TTC7A: variants seen among roughly 807,000 people sequenced by gnomAD.
The protein encoded by TTC7A is tetratricopeptide repeat domain 7A.
In TTC7A, 110 loss-of-function variants were observed where a neutral mutation model predicts 103.7. The observed-to-expected ratio is 1.06, with a 90% confidence interval of 0.91 to 1.24. The LOEUF (loss-of-function observed/expected upper bound fraction) is 1.24, where lower values mean the gene tolerates loss of function less well. Among genes scored for constraint, TTC7A ranks in the 50% most tolerant of loss-of-function variants. The probability of loss-of-function intolerance (pLI) is 0.00; values close to 1 mark genes in which losing one functional copy is unlikely to be tolerated. For missense variants in TTC7A, 1,340 were observed against 1,116.3 expected (o/e 1.20, Z -2.86); for synonymous variants, 521 against 467.9 (o/e 1.11, Z -1.47).
At chr2:47,039,069 C>T (rs1323624346) in intron 15 of TTC7A, among the ~76,000 whole-genome samples, 2 of 152,146 alleles carry the variant, frequency 1.3e-5, no homozygotes, top group Non-Finnish European at 2.9e-5. Flanking sequence ...CCCCTTAGTT[C>T]TCCCAGCAAC....
At chr2:47,034,682 G>C (rs149435232) in intron 15 of TTC7A, among the ~76,000 whole-genome samples, 64 of 152,268 alleles carry the variant, frequency 4.2e-4, no homozygotes, top group Middle Eastern at 3.4e-3. Context: ...GCCATACATA[G>C]GTCAAGGGAA....
chr2:47,045,591 G>T (rs55920732), intron 15 of TTC7A: 12,532 of 152,298 alleles, frequency 0.082, 543 homozygotes, highest in Non-Finnish European at 0.1. Context: ...GTCCCTAAAT[G>T]GTGATTGAAA....
chr2:47,072,057 C>T (rs574473794), intron 19 of TTC7A, among the ~76,000 whole-genome samples: 1 of 152,324 alleles, frequency 6.6e-6, no homozygotes. Context: ...TCCCTCCTCC[C>T]TGTGGGCCGT....
chr2:47,011,732 A>G (rs1678074905), intron 11 of TTC7A, among the ~76,000 whole-genome samples: 1 of 152,248 alleles, frequency 6.6e-6, no homozygotes, highest in Admixed American at 6.5e-5. Context: ...GCAGAGTAGT[A>G]GGTAAGACCT....
chr2:47,027,921 C>T (rs1293436079), intron 14 of TTC7A, among the ~76,000 whole-genome samples: 1 of 152,202 alleles, frequency 6.6e-6, no homozygotes, highest in East Asian at 1.9e-4. Flanking sequence ...ATTCTTTTTT[C>T]TCCTTAATGC....
At chr2:46,928,101 A>G (rs1669491965) in intron 2 of TTC7A, among the ~76,000 whole-genome samples, 2 of 151,704 alleles carry the variant, frequency 1.3e-5, no homozygotes, top group South Asian at 2.1e-4. Context: ...CATGTTGCCC[A>G]GGCTGGTCTC....
intron 16 of TTC7A, among the ~76,000 whole-genome samples, chr2:47,049,424 A>C (rs1388971394): frequency 6.6e-6 from 1 of 151,796 alleles, no homozygotes; most frequent in East Asian, 1.9e-4. Flanking sequence ...TGGGATCTCC[A>C]GGGGCTACCC....
At chr2:47,034,407 CT>C (rs1455094722) in intron 15 of TTC7A, 3 of 152,340 alleles carry the variant, frequency 2.0e-5, no homozygotes, top group African/African-American at 7.2e-5. Flanking sequence ...TGAGAGGCAG[CT>C]GGGAGGCCCG....
chr2:46,978,882 G>C lies in TTC7A; in HGVS notation c.739G>C (p.Ala247Pro), dbSNP rs752603355. The part of the protein sequence containing the change: ...TYFLEAALQS[A>P]YVKNLKKGNI... The stretch of plus-strand genomic sequence containing the variant: ...CTTCCTGGAAGCTGCCCTCCAGAGC[G>C]CCTATGTGAAAAACCTGAAGAAGGG... Residue 247 changes from alanine to proline, a missense_variant, in exon 5 of 20, where the codon GCC becomes CCC. Physicochemically the swap from Ala to Pro is conservative, Grantham distance 27. Transcript: ENST00000319190. The C allele has an allele frequency of 2.5e-6, 4 of 1,614,050 alleles. No individual in the cohort carries two copies. In the Admixed American group the frequency reaches 6.7e-5, roughly 27 times the overall value.
At position 47,060,951 on chromosome 2, in the gene TTC7A, G is replaced by A. The variant is rs758051924; in HGVS notation, c.2335G>A (p.Val779Met). ...GGCGCTCACGGTGAACCCAGATGGC[G>A]TGCGCATCATGCATAGCCTGGTGAG... is the stretch of plus-strand genomic sequence containing the variant. Reference protein sequence around the residue: ...KEALTVNPDGVRIMHSLGLML... With the variant: ...KEALTVNPDGMRIMHSLGLML... The change falls in exon 19 of 20, where the codon GTG becomes ATG. Residue 779 changes from valine to methionine, a missense_variant. Physicochemically the swap from Val to Met is conservative, Grantham distance 21. Coordinates refer to ENST00000319190, the MANE Select transcript of TTC7A (RefSeq NM_020458.4). 1.5e-5 allele frequency: 25 copies of A among 1,613,014 alleles called. No individual in the cohort carries two copies. The highest frequency in any genetic ancestry group is 1.9e-5 in the Non-Finnish European group (22 of 1,179,596).
Position 46,941,421 on chromosome 2 carries a change from G to GGCCCCGGCTGCCGTCTGC in TTC7A, c.-115_-98dup. On this transcript the variant is annotated 5_prime_UTR_variant, in exon 1 of 20. Coordinates refer to ENST00000319190, the MANE Select transcript of TTC7A (RefSeq NM_020458.4). This position sits in a 1 kb window ranked among gnomAD's most constrained non-coding sequence, Gnocchi z 4.2. The stretch of plus-strand genomic sequence containing the variant: ...CCGCCCGGGCCCCCGCTGCCGCCCG[G>GGCCCCGGCTGCCGTCTGC]GCCCCGGCTGCCGTCTGCGCCCCCG... 1.9e-6 allele frequency: 2 copies of GGCCCCGGCTGCCGTCTGC among 1,053,308 alleles called. No individual in the cohort carries two copies. The highest frequency in any genetic ancestry group is 2.4e-6 in the Non-Finnish European group (2 of 828,776). The allele number at this position is 1,053,308 out of a possible 1,614,324, so 65.2% of individuals were successfully genotyped here.
intron 19 of TTC7A, among the ~76,000 whole-genome samples, chr2:47,069,564 T>A (rs1402304164): frequency 6.6e-6 from 1 of 152,046 alleles, no homozygotes; most frequent in African/African-American, 2.4e-5. Context: ...CCTCCCCACA[T>A]CAGGGAAGTA....
chr2:47,006,691 C>G lies in TTC7A; in HGVS notation c.1254C>G (p.Tyr418Ter). The change falls in exon 10 of 20, where the codon TAC becomes TAG. Residue 418 changes from tyrosine to a stop codon, truncating the protein, a stop_gained. Coordinates refer to ENST00000319190, the MANE Select transcript of TTC7A (RefSeq NM_020458.4). LOFTEE classifies it high-confidence loss of function. ...KFAFGEFHLW[Y>*]QVALSMVACG... The stretch of plus-strand genomic sequence containing the variant: ...CGTTTGGAGAATTTCACCTTTGGTA[C>G]CAGGTGGCCCTCTCCATGGTGGCTT... 6.2e-7 allele frequency: 1 copy of G among 1,614,100 alleles called. No homozygotes were observed. The highest frequency in any genetic ancestry group is 1.1e-5 in the South Asian group (1 of 91,080).
At chr2:47,031,851 A>G (rs375384528) in intron 15 of TTC7A, among the ~76,000 whole-genome samples, 1 of 152,356 alleles carries the variant, frequency 6.6e-6, no homozygotes, top group African/African-American at 2.4e-5. Context: ...GCTGCAGCCC[A>G]GGCTGTGTGA....
intron 2 of TTC7A, 35 bp downstream of exon 2, chr2:46,950,561 TC>T (rs748241158): frequency 6.2e-7 from 1 of 1,608,808 alleles, no homozygotes; most frequent in South Asian, 1.1e-5. Context: ...AGACCTCCTC[TC>T]CTCGTCTGTC....
At chr2:47,031,064 T>C (rs949396515) in intron 15 of TTC7A, among the ~76,000 whole-genome samples, 1 of 152,108 alleles carries the variant, frequency 6.6e-6, no homozygotes, top group Non-Finnish European at 1.5e-5. Context: ...GGAGAATCAC[T>C]TGAATCTGGG....
At chr2:47,059,463 C>T (rs1166832085) in intron 18 of TTC7A, among the ~76,000 whole-genome samples, 2 of 152,148 alleles carry the variant, frequency 1.3e-5, no homozygotes, top group African/African-American at 4.8e-5. Context: ...GTAGCTGTTA[C>T]CAACACTGCC....
chr2:46,971,763 C>T (rs921497521), intron 3 of TTC7A, among the ~76,000 whole-genome samples: 1 of 152,128 alleles, frequency 6.6e-6, no homozygotes, highest in African/African-American at 2.4e-5. Flanking sequence ...TTATACATCT[C>T]TTCAGTAAGT....
chr2:46,954,540 G>A (rs936851745), intron 2 of TTC7A, among the ~76,000 whole-genome samples: 18 of 149,390 alleles, frequency 1.2e-4, no homozygotes, highest in African/African-American at 4.2e-4. Flanking sequence ...AAAGGGCAAG[G>A]TAGATATCCT....
Sources: gnomAD v4.1 joint callset for allele counts (sites outside exome capture counted in the v4.1 genomes callset) on GRCh38, gnomAD v4.1.1 for gene constraint, Gnocchi (gnomAD v3.1) non-coding constraint, MANE v1.5 for transcripts, NCBI Gene and HGNC (gene_info 2026-07-23, HGNC 2026-07-21) for gene names.